The following PTPRC variants were observed in gnomAD, a reference collection of about 807,000 sequenced individuals.
The protein encoded by PTPRC is protein tyrosine phosphatase receptor type C.
A neutral mutation model predicts 155.9 loss-of-function variants in PTPRC; 44 were observed. That is an observed-to-expected ratio of 0.28 (90% CI 0.22 to 0.36). The LOEUF (loss-of-function observed/expected upper bound fraction) is 0.36, where lower values mean the gene tolerates loss of function less well. Ranked by LOEUF, PTPRC falls within the 10% of genes least tolerant of loss-of-function variation. The pLI, the probability that PTPRC is intolerant of heterozygous loss-of-function variation, is 1.00. For missense variants in PTPRC, 1,401 were observed against 1,564.6 expected (o/e 0.90, Z 1.76); for synonymous variants, 525 against 533.1 (o/e 0.98, Z 0.21).
In PTPRC at chr1:198,668,905, C is replaced by T. The variant is rs965438114; in HGVS notation, c.74-23442C>T. ...ACCTGCCATCTATCCATGGAAGCAG[C>T]AATAAGACCACCTGAGAGCTATGGT... is the stretch of plus-strand genomic sequence containing the variant. On this transcript the variant is annotated intron_variant, in intron 2 of 32. Transcript: ENST00000442510. Among the ~76,000 whole-genome samples the T allele has an allele frequency of 3.3e-5, 5 of 151,840 alleles. No homozygotes were observed. The East Asian group carries it at 9.7e-4, about 29-fold the overall frequency.
rs764089642 is a variant in PTPRC, at chr1:198,756,476, CAGAGAA to C, written c.*301_*306del. 1 of 266,582 alleles carries C rather than the reference CAGAGAA, an allele frequency of 3.8e-6. No individual in the cohort carries two copies. 16.5% of individuals were successfully genotyped at this position (266,582 alleles called of 1,614,324 possible). On this transcript the variant is annotated 3_prime_UTR_variant, in exon 33 of 33. Coordinates refer to ENST00000442510, the MANE Select transcript of PTPRC (RefSeq NM_002838.5). ...TATGGGTGTGTGTTTGTGTGAGAGA[CAGAGAA>C]AGAGAGAGAATTCTTTCAAGTGAAT...
rs769249069 is a variant in PTPRC at position 198,748,094 on chromosome 1, T to G, written c.2848-15T>G. 1.7e-5 allele frequency: 27 copies of G among 1,579,106 alleles called. No homozygotes were observed. Among genetic ancestry groups the G allele is most frequent in the Middle Eastern group, 2.0e-4 (1 of 4,938 alleles). On this transcript the variant is annotated splice_polypyrimidine_tract_variant and intron_variant, in intron 26 of 32. Transcript: ENST00000442510. ...CATTTTAAAGGAGTTTTTCTGTTTT[T>G]TTTTTTTTTTTCAGAGACTTCCTTC...
intron 13 of PTPRC, among the ~76,000 whole-genome samples, chr1:198,717,785 C>T (rs1653665428): frequency 6.6e-6 from 1 of 152,034 alleles, no homozygotes; most frequent in Admixed American, 6.6e-5. Context: ...CTCCTCTCCC[C>T]AAACTTCCCC....
intron 28 of PTPRC, chr1:198,750,261 G>A (rs138152032): frequency 1.2e-4 from 63 of 521,342 alleles, no homozygotes; most frequent in East Asian, 7.1e-4. Flanking sequence ...AATTTGTTTC[G>A]CAAGATATGT....
intron 13 of PTPRC, among the ~76,000 whole-genome samples, chr1:198,717,392 A>G (rs548418287): frequency 6.6e-6 from 1 of 152,294 alleles, no homozygotes; most frequent in East Asian, 1.9e-4. Context: ...CATAGTTTCC[A>G]GGCCCAAAGT....
chr1:198,727,289 A>AT (rs56776584), intron 15 of PTPRC, among the ~76,000 whole-genome samples: 3,609 of 152,136 alleles, frequency 0.024, 57 homozygotes, highest in African/African-American at 0.04. Context: ...CACAGCCCTT[A>AT]TATCTTCTCA....
intron 15 of PTPRC, among the ~76,000 whole-genome samples, chr1:198,727,724 A>G (rs796814716): frequency 3.6e-4 from 55 of 152,222 alleles, no homozygotes; most frequent in African/African-American, 1.3e-3. Context: ...TATACTGGAG[A>G]TATTTCCAAC....
chr1:198,754,366 G>C lies in PTPRC; in HGVS notation c.3607G>C (p.Ala1203Pro). The change falls in exon 32 of 33, where the codon GCT (alanine) becomes CCT (proline). Residue 1203 changes from alanine to proline, a missense_variant. Ala to Pro is a conservative substitution (Grantham distance 27, BLOSUM62 -1). Transcript: ENST00000442510. ...EVVDIFQVVKALRKARPGMVS... is the reference protein window; with the variant it reads ...EVVDIFQVVKPLRKARPGMVS... ...AGTGGATATTTTTCAAGTGGTAAAA[G>C]CTCTACGCAAAGCTAGGCCAGGCAT... is the stretch of plus-strand genomic sequence containing the variant. The C allele has an allele frequency of 6.2e-7, 1 of 1,613,416 alleles. No homozygotes were observed. Among genetic ancestry groups the C allele is most frequent in the South Asian group, 1.1e-5 (1 of 91,060 alleles).
rs116078430 is a variant in PTPRC, at chr1:198,689,718, C to T, written c.74-2629C>T. 4.7e-3 allele frequency among the ~76,000 whole-genome samples: 713 copies of T among 152,198 alleles called. 1 individual carries two copies. Among genetic ancestry groups the T allele is most frequent in the Non-Finnish European group, 8.0e-3 (545 of 67,996 alleles). On this transcript the variant is annotated intron_variant, in intron 2 of 32. Coordinates refer to ENST00000442510, the MANE Select transcript of PTPRC (RefSeq NM_002838.5). ...GCACTTACTCATGCTTAAAAGAATCCAGCAATTACTTATCAATCACTTCTT... is the reference window on the plus strand; with the variant it reads ...GCACTTACTCATGCTTAAAAGAATCTAGCAATTACTTATCAATCACTTCTT...
At chr1:198,737,661 A>G (rs940341301) in intron 23 of PTPRC, among the ~76,000 whole-genome samples, 4 of 151,708 alleles carry the variant, frequency 2.6e-5, no homozygotes, top group Admixed American at 1.3e-4. Context: ...TTGTGGTTTC[A>G]TATAAATATT....
chr1:198,718,446 T>A (rs1268092573), intron 14 of PTPRC, 144 bp downstream of exon 14: 1 of 751,118 alleles, frequency 1.3e-6, no homozygotes, highest in African/African-American at 1.8e-5. Context: ...GAGTCTCAAA[T>A]ATTTGACTCT....
intron 15 of PTPRC, among the ~76,000 whole-genome samples, chr1:198,725,902 T>G (rs1369251156): frequency 1.3e-5 from 2 of 152,208 alleles, no homozygotes; most frequent in South Asian, 4.1e-4. Flanking sequence ...TACAACTTGT[T>G]GAAATTGCTC....
chr1:198,655,722 G>A (rs1053590424), intron 2 of PTPRC, among the ~76,000 whole-genome samples: 3 of 151,994 alleles, frequency 2.0e-5, no homozygotes, highest in Non-Finnish European at 4.4e-5. Context: ...GGCATTGTAG[G>A]ATGTTTAGCA....
chr1:198,683,928 A>T (rs1384531550), intron 2 of PTPRC, among the ~76,000 whole-genome samples: 4 of 150,944 alleles, frequency 2.6e-5, no homozygotes, highest in African/African-American at 9.8e-5. Flanking sequence ...CTTTTAGGAG[A>T]TCTTGAGCTA....
chr1:198,715,849 A>T (rs1011484928), intron 12 of PTPRC, among the ~76,000 whole-genome samples: 2 of 152,180 alleles, frequency 1.3e-5, no homozygotes, highest in Admixed American at 1.3e-4. Context: ...TGTTGCTGCT[A>T]TCCAGAAACA....
In PTPRC at chr1:198,735,152, C is replaced by T. The variant is rs765547769; in HGVS notation, c.2303C>T (p.Ser768Leu). 6.2e-7 allele frequency: 1 copy of T among 1,603,202 alleles called. No homozygotes were observed. Among genetic ancestry groups the T allele is most frequent in the Non-Finnish European group, 8.5e-7 (1 of 1,173,650 alleles). Reference sequence around the variant, plus strand: ...AACAAGTGTGCAGAATACTGGCCGTCAATGGAAGAGGGCACTCGGGCTTTT... The same window carrying T: ...AACAAGTGTGCAGAATACTGGCCGTTAATGGAAGAGGGCACTCGGGCTTTT... Reference protein sequence around the residue: ...NRNKCAEYWPSMEEGTRAFGD... With the variant: ...NRNKCAEYWPLMEEGTRAFGD... Residue 768 changes from serine to leucine, a missense_variant, in exon 23 of 33, where the codon TCA (serine) becomes TTA (leucine). Ser to Leu is a moderately radical substitution (Grantham distance 145). This residue lies in a region of PTPRC where 867 missense variants were observed against 970.4 expected (regional missense o/e 0.89). Coordinates refer to ENST00000442510, the MANE Select transcript of PTPRC (RefSeq NM_002838.5).
chr1:198,659,928 A>G (rs1375200217), intron 2 of PTPRC, among the ~76,000 whole-genome samples: 6 of 150,862 alleles, frequency 4.0e-5, no homozygotes, highest in African/African-American at 1.5e-4. Flanking sequence ...TAAAATGCAT[A>G]TCATCATACA....
chr1:198,735,883 A>G (rs12118693), intron 23 of PTPRC, among the ~76,000 whole-genome samples: 264 of 151,694 alleles, frequency 1.7e-3, no homozygotes, highest in Non-Finnish European at 3.2e-3. Context: ...AAATAAGAAC[A>G]GGCTTTCATT....
chr1:198,669,046 T>C (rs1664496855), intron 2 of PTPRC, among the ~76,000 whole-genome samples: 2 of 152,256 alleles, frequency 1.3e-5, no homozygotes, highest in African/African-American at 4.8e-5. Context: ...AATGATTTTA[T>C]GTGATTCAGT....
Sources: allele counts gnomAD v4.1 joint callset (sites outside exome capture counted in the v4.1 genomes callset), GRCh38; gene constraint gnomAD v4.1.1; regional missense constraint gnomAD v4.1.1; transcripts MANE v1.5; gene names NCBI Gene and HGNC (gene_info 2026-07-23, HGNC 2026-07-21).